The following SMYD1 variants were observed in gnomAD, a reference collection of about 807,000 sequenced individuals.
The protein encoded by SMYD1 is SET and MYND domain containing 1, also known as histone-lysine N-methyltransferase SMYD1.
In SMYD1, 49 loss-of-function variants were observed where a neutral mutation model predicts 54.0. The observed-to-expected ratio is 0.91, with a 90% CI of 0.72 to 1.15. SMYD1 has a LOEUF of 1.15. Among genes scored for constraint, SMYD1 ranks in the 50% most tolerant of loss-of-function variants. The pLI, the probability that SMYD1 is intolerant of heterozygous loss-of-function variation, is 0.00. For missense variants in SMYD1, 653 were observed against 639.6 expected (o/e 1.02, Z -0.23); for synonymous variants, 269 against 234.2 (o/e 1.15, Z -1.36).
At chr2:88,072,365 G>A (rs574082861) in intron 1 of SMYD1, among the ~76,000 whole-genome samples, 2 of 152,290 alleles carry the variant, frequency 1.3e-5, no homozygotes, top group South Asian at 2.1e-4. Flanking sequence ...TGCCCAGGCT[G>A]GTCTCGAACT....
intron 8 of SMYD1, among the ~76,000 whole-genome samples, chr2:88,107,586 T>G (rs968032317): frequency 6.6e-6 from 1 of 152,154 alleles, no homozygotes; most frequent in Non-Finnish European, 1.5e-5. Context: ...TGCAGTGGGC[T>G]CCTCCCAGTT....
At chr2:88,084,043 G>A (rs1054645530) in intron 1 of SMYD1, among the ~76,000 whole-genome samples, 7 of 152,162 alleles carry the variant, frequency 4.6e-5, no homozygotes, top group Non-Finnish European at 1.0e-4. Flanking sequence ...GCAGTGAGCC[G>A]AGGTTGCAGT....
At chr2:88,077,570 T>G (rs1674095568) in intron 1 of SMYD1, among the ~76,000 whole-genome samples, 1 of 152,160 alleles carries the variant, frequency 6.6e-6, no homozygotes, top group Non-Finnish European at 1.5e-5. Flanking sequence ...AATGTAAGAC[T>G]CGGGAGAAAC....
At chr2:88,082,567 C>T (rs10202149) in intron 1 of SMYD1, 8,096 of 154,414 alleles carry the variant, frequency 0.052, 680 homozygotes, top group African/African-American at 0.18. Flanking sequence ...GGCCTTTGGG[C>T]TGGTCCTTGA....
intron 7 of SMYD1, 126 bp downstream of exon 7, chr2:88,103,276 A>G (rs1674769292): frequency 2.9e-6 from 2 of 692,628 alleles, no homozygotes; most frequent in South Asian, 1.7e-5. Context: ...TTATTTTTCT[A>G]GAAGATGTCC....
intron 8 of SMYD1, among the ~76,000 whole-genome samples, 153 bp from the exon 9 acceptor site, chr2:88,108,218 G>A (rs1225346563): frequency 6.6e-6 from 1 of 152,218 alleles, no homozygotes; most frequent in Non-Finnish European, 1.5e-5. Context: ...ATATCTCTGT[G>A]CCTCAGTTCC....
In SMYD1 at chr2:88,099,294, T is replaced by C. The variant is rs374772241; in HGVS notation, c.888+2510T>C. Among the ~76,000 whole-genome samples, 6 of 151,764 alleles carry C rather than the reference T, an allele frequency of 4.0e-5. No individual in the cohort carries two copies. In the South Asian group the frequency reaches 1.3e-3, roughly 32 times the overall value. The stretch of plus-strand genomic sequence containing the variant: ...AGAGACGGGGTTTCACCATGTTGCC[T>C]AGGCTGGTCTCAAATTCCTGGCCTC... On this transcript the variant is annotated intron_variant, in intron 6 of 9. Coordinates refer to ENST00000419482, the MANE Select transcript of SMYD1 (RefSeq NM_198274.4).
At position 88,087,871 on chromosome 2, in the gene SMYD1, G is replaced by A. The variant is rs756118889; in HGVS notation, c.324G>A (p.Ala108=). Residue 108 remains alanine (A), a synonymous_variant, in exon 3 of 10, where the codon GCG becomes GCA. Coordinates refer to ENST00000419482, the MANE Select transcript of SMYD1 (RefSeq NM_198274.4). Reference sequence around the variant, plus strand: ...GCTGCCCTTCCCACAGGCTGGCGGCGCGCATCATGTGGCGGGTGGAGAGAG... The same window carrying A: ...GCTGCCCTTCCCACAGGCTGGCGGCACGCATCATGTGGCGGGTGGAGAGAG... ...KVPNENIRLA[A]RIMWRVEREG... 30 of 1,586,438 alleles carry A rather than the reference G, an allele frequency of 1.9e-5. No individual in the cohort carries two copies. Among genetic ancestry groups the A allele is most frequent in the South Asian group, 4.6e-5 (4 of 87,276 alleles).
chr2:88,082,368 T>C (rs1475429489), intron 1 of SMYD1, among the ~76,000 whole-genome samples: 1 of 152,192 alleles, frequency 6.6e-6, no homozygotes, highest in African/African-American at 2.4e-5. Context: ...CACCTCCTAG[T>C]GGATGGGGAC....
At chr2:88,096,180 C>A (rs1268079376) in intron 5 of SMYD1, among the ~76,000 whole-genome samples, 1 of 152,126 alleles carries the variant, frequency 6.6e-6, no homozygotes, top group African/African-American at 2.4e-5. Flanking sequence ...GAGAGTAGTC[C>A]CCAAACTAAC....
intron 1 of SMYD1, among the ~76,000 whole-genome samples, chr2:88,071,031 T>C (rs1040231158): frequency 6.6e-6 from 1 of 152,202 alleles, no homozygotes; most frequent in Admixed American, 6.5e-5. Flanking sequence ...TGTTTTGTTT[T>C]TGATCTTTTA....
rs745617186 is a variant in SMYD1 at position 88,106,451 on chromosome 2, G to A, written c.1108G>A (p.Ala370Thr). Residue 370 changes from alanine (A) to threonine (T), a missense_variant, in exon 8 of 10, where the codon GCC becomes ACC. Ala to Thr is a moderately conservative substitution (Grantham distance 58). Transcript: ENST00000419482. ...VLSYLQAFEEASFYARRMVDG... is the reference protein window; with the variant it reads ...VLSYLQAFEETSFYARRMVDG... ...TTCCTACCTCCAGGCCTTTGAGGAG[G>A]CCTCGTTCTATGCCAGGAGGATGGT... 1.3e-5 allele frequency: 21 copies of A among 1,614,180 alleles called. No homozygotes were observed. Among genetic ancestry groups the A allele is most frequent in the Admixed American group, 3.3e-5 (2 of 60,022 alleles).
intron 7 of SMYD1, among the ~76,000 whole-genome samples, chr2:88,105,374 T>TACACACACACACAC (rs368510507): frequency 2.2e-4 from 32 of 146,740 alleles, no homozygotes; most frequent in African/African-American, 6.9e-4. Flanking sequence ...TGCGCATGCA[T>TACACACACACACAC]ATATACACAC....
intron 6 of SMYD1, among the ~76,000 whole-genome samples, chr2:88,097,950 A>G (rs1461596773): frequency 4.6e-5 from 7 of 152,184 alleles, no homozygotes; most frequent in African/African-American, 1.4e-4. Flanking sequence ...TTGGGGTCCA[A>G]GGATTTATGT....
chr2:88,110,342 T>A lies in SMYD1; in HGVS notation c.1315-12T>A. On this transcript the variant is annotated splice_polypyrimidine_tract_variant and intron_variant, in intron 9 of 9. Transcript: ENST00000419482. ...TTGCTATCACTGTTTACGGTGTATCTGTGTCCCACAGGCCATGCGGGTGCA... is the reference window on the plus strand; with the variant it reads ...TTGCTATCACTGTTTACGGTGTATCAGTGTCCCACAGGCCATGCGGGTGCA... The A allele has an allele frequency of 6.2e-7, 1 of 1,607,720 alleles. No homozygotes were observed. Among genetic ancestry groups the A allele is most frequent in the Non-Finnish European group, 8.5e-7 (1 of 1,176,758 alleles).
intron 1 of SMYD1, among the ~76,000 whole-genome samples, chr2:88,075,188 A>G (rs754345801): frequency 6.6e-6 from 1 of 152,230 alleles, no homozygotes; most frequent in Non-Finnish European, 1.5e-5. Context: ...GAGGCAAGAC[A>G]TGTCGACATG....
chr2:88,087,866 G>A lies in SMYD1; in HGVS notation c.319G>A (p.Ala107Thr). The A allele has an allele frequency of 6.3e-7, 1 of 1,578,078 alleles. No individual in the cohort carries two copies. The highest frequency in any genetic ancestry group is 2.3e-5 in the East Asian group (1 of 43,856). Residue 107 changes from alanine to threonine, a missense_variant, in exon 3 of 10, where the codon GCG becomes ACG. Coordinates refer to ENST00000419482, the MANE Select transcript of SMYD1 (RefSeq NM_198274.4). Reference sequence around the variant, plus strand: ...CTGACGCTGCCCTTCCCACAGGCTGGCGGCGCGCATCATGTGGCGGGTGGA... The same window carrying A: ...CTGACGCTGCCCTTCCCACAGGCTGACGGCGCGCATCATGTGGCGGGTGGA... ...GKVPNENIRL[A>T]ARIMWRVERE...
chr2:88,100,251 C>T (rs1241165652), intron 6 of SMYD1, among the ~76,000 whole-genome samples: 1 of 152,182 alleles, frequency 6.6e-6, no homozygotes. Context: ...TATTAATTAA[C>T]AACCTTTCTG....
At chr2:88,093,631 T>C in intron 5 of SMYD1, 76 bp downstream of exon 5, 1 of 1,509,598 alleles carries the variant, frequency 6.6e-7, no homozygotes, top group Non-Finnish European at 9.2e-7. Context: ...GGGCCACCCA[T>C]TCCCGAGACT....
Sources: gnomAD v4.1 joint callset for allele counts (sites outside exome capture counted in the v4.1 genomes callset) on GRCh38, gnomAD v4.1.1 for gene constraint, MANE v1.5 for transcripts, NCBI Gene and HGNC (gene_info 2026-07-23, HGNC 2026-07-21) for gene names.